The following BBS9 variants were observed in gnomAD, a reference collection of about 807,000 sequenced individuals.
The protein encoded by BBS9 is protein PTHB1.
A neutral mutation model predicts 117.7 loss-of-function variants in BBS9; 89 were observed. The ratio of observed to expected loss-of-function variants is 0.76; its 90% CI spans 0.64 to 0.90. The LOEUF (loss-of-function observed/expected upper bound fraction) is 0.90. Ranked by LOEUF, BBS9 falls within the 40% of genes least tolerant of loss-of-function variation. The probability of loss-of-function intolerance (pLI) is 0.00; values close to 1 mark genes in which losing one functional copy is unlikely to be tolerated. For missense variants in BBS9, 982 were observed against 1,042.2 expected (o/e 0.94, Z 0.80); for synonymous variants, 379 against 370.9 (o/e 1.02, Z -0.25).
At chr7:33,325,232 A>G (rs1436760611) in intron 9 of BBS9, among the ~76,000 whole-genome samples, 1 of 152,122 alleles carries the variant, frequency 6.6e-6, no homozygotes, top group Non-Finnish European at 1.5e-5. Flanking sequence ...AAGCTTACTA[A>G]TTCTTCTACT....
rs978164413 is a variant in BBS9 at position 33,272,875 on chromosome 7, A to T, written c.703-137A>T. 1.2e-5 allele frequency: 11 copies of T among 880,448 alleles called. No homozygotes were observed. The African/African-American group carries it at 1.9e-4, about 15-fold the overall frequency. The allele number at this position is 880,448 out of a possible 1,614,324, so 54.5% of individuals were successfully genotyped here. ...AATGGTCATAGTGATAAAAAAAAGA[A>T]TAAAGAAATGAAAGAGATTAGCCCA... On this transcript the variant is annotated intron_variant, in intron 7 of 22. Transcript: ENST00000242067.
At chr7:33,249,321 CTG>C (rs1261104298) in intron 5 of BBS9, among the ~76,000 whole-genome samples, 1 of 151,938 alleles carries the variant, frequency 6.6e-6, no homozygotes, top group Non-Finnish European at 1.5e-5. Context: ...ATAGAGAAGA[CTG>C]TTAAATTTAG....
At chr7:33,434,438 G>C (rs6975464) in intron 19 of BBS9, among the ~76,000 whole-genome samples, 12,915 of 152,110 alleles carry the variant, frequency 0.085, 574 homozygotes, top group South Asian at 0.14. Context: ...TAGCCTTCTA[G>C]TGCTAAAAGC....
chr7:33,183,968 A>G (rs1039530299), intron 5 of BBS9, among the ~76,000 whole-genome samples: 1 of 152,194 alleles, frequency 6.6e-6, no homozygotes, highest in Non-Finnish European at 1.5e-5. Context: ...AATATAGTAA[A>G]AAACATTTAT....
intron 1 of BBS9, among the ~76,000 whole-genome samples, chr7:33,143,272 T>C (rs908318798): frequency 3.3e-5 from 5 of 152,242 alleles, no homozygotes; most frequent in Admixed American, 2.6e-4. Flanking sequence ...CCCGGCCCTA[T>C]GTTTAATTTT....
intron 9 of BBS9, among the ~76,000 whole-genome samples, chr7:33,322,793 T>C (rs1812015404): frequency 6.6e-6 from 1 of 152,114 alleles, no homozygotes; most frequent in Non-Finnish European, 1.5e-5. Flanking sequence ...TTGATTTGCT[T>C]TTGCTTTTCA....
At chr7:33,556,363 T>G (rs1261140271) in intron 21 of BBS9, among the ~76,000 whole-genome samples, 1 of 152,114 alleles carries the variant, frequency 6.6e-6, no homozygotes, top group Non-Finnish European at 1.5e-5. Flanking sequence ...CCCTTGAGAG[T>G]TTTCCCAGTC....
intron 21 of BBS9, among the ~76,000 whole-genome samples, chr7:33,611,476 A>G (rs917997437): frequency 2.3e-4 from 33 of 142,420 alleles, no homozygotes; most frequent in Non-Finnish European, 3.6e-4. Context: ...AATATAATAT[A>G]TTATAATAAT....
intron 21 of BBS9, among the ~76,000 whole-genome samples, chr7:33,553,480 C>G (rs1489018919): frequency 1.3e-5 from 2 of 152,164 alleles, no homozygotes; most frequent in African/African-American, 4.8e-5. Flanking sequence ...CCTCCCATTT[C>G]TAATCTTTGT....
At chr7:33,294,247 A>C (rs1450603317) in intron 9 of BBS9, among the ~76,000 whole-genome samples, 1 of 152,074 alleles carries the variant, frequency 6.6e-6, no homozygotes, top group Non-Finnish European at 1.5e-5. Flanking sequence ...CCCATATGCC[A>C]AACACACACA....
At chr7:33,314,184 AT>A (rs1809943889) in intron 9 of BBS9, 2 of 364,456 alleles carry the variant, frequency 5.5e-6, no homozygotes, top group African/African-American at 4.3e-5. Flanking sequence ...GCCTAGAATC[AT>A]GTCTTCTTTT....
rs544353444 is a variant in BBS9 at position 33,410,104 on chromosome 7, C to T, written c.2115+21960C>T. Among the ~76,000 whole-genome samples, 3 of 152,236 alleles carry T rather than the reference C, an allele frequency of 2.0e-5. No homozygotes were observed. The South Asian group carries it at 6.2e-4, about 32-fold the overall frequency. On this transcript the variant is annotated intron_variant, in intron 19 of 22. Coordinates refer to ENST00000242067, the MANE Select transcript of BBS9 (RefSeq NM_198428.3). ...CCTGGTGAGCCTGGACAACTGGGGC[C>T]ATTTCTTTGCTTGCCCACCAGTGCA...
At chr7:33,184,097 C>CAGAGAGAGAG (rs35333434) in intron 5 of BBS9, among the ~76,000 whole-genome samples, 26 of 149,566 alleles carry the variant, frequency 1.7e-4, no homozygotes, top group East Asian at 8.0e-4. Flanking sequence ...AGTTTGCACA[C>CAGAGAGAGAG]AGAGAGAGAG....
intron 19 of BBS9, among the ~76,000 whole-genome samples, chr7:33,466,774 A>G (rs1427417053): frequency 6.6e-6 from 1 of 152,164 alleles, no homozygotes; most frequent in African/African-American, 2.4e-5. Context: ...GACAATGCCA[A>G]GTGTTGATAA....
At chr7:33,241,464 C>A (rs1278383391) in intron 5 of BBS9, among the ~76,000 whole-genome samples, 1 of 152,118 alleles carries the variant, frequency 6.6e-6, no homozygotes, top group Non-Finnish European at 1.5e-5. Context: ...TGGTGACTTT[C>A]AACAGTTCTG....
intron 21 of BBS9, among the ~76,000 whole-genome samples, chr7:33,624,933 A>G (rs1000910745): frequency 3.8e-4 from 58 of 152,262 alleles, no homozygotes; most frequent in African/African-American, 1.3e-3. Context: ...ATAAACAGTA[A>G]TCACCCTGGG....
At position 33,188,080 on chromosome 7, in the gene BBS9, A is replaced by ATGTGTGTG. The variant is rs145485929; in HGVS notation, c.442+10514_442+10521dup. On this transcript the variant is annotated intron_variant, in intron 5 of 22. Transcript: ENST00000242067. ...AGAGCAGCTCCCTGTAGTTGAGTGA[A>ATGTGTGTG]TGTGTGTGTGTGTGTGTGTGTGTGT... Among the ~76,000 whole-genome samples, 602 of 73,064 alleles carry ATGTGTGTG rather than the reference A, an allele frequency of 8.2e-3. 14 individuals carry two copies. Among genetic ancestry groups the ATGTGTGTG allele is most frequent in the African/African-American group, 0.031 (512 of 16,638 alleles). The allele number at this position is 73,064 out of a possible 152,430, so 47.9% of individuals were successfully genotyped here.
intron 19 of BBS9, among the ~76,000 whole-genome samples, chr7:33,431,047 TAGAC>T (rs796701971): frequency 2.0e-5 from 3 of 151,282 alleles, no homozygotes; most frequent in African/African-American, 2.4e-5. Context: ...AAAAAAAACT[TAGAC>T]AGGCATGGTG....
At chr7:33,262,752 G>T (rs1297874930) in intron 6 of BBS9, among the ~76,000 whole-genome samples, 1 of 152,100 alleles carries the variant, frequency 6.6e-6, no homozygotes, top group Non-Finnish European at 1.5e-5. Flanking sequence ...ACTGCTGCAT[G>T]CCTTTGCATT....
Sources: allele counts gnomAD v4.1 joint callset (sites outside exome capture counted in the v4.1 genomes callset), GRCh38; gene constraint gnomAD v4.1.1; transcripts MANE v1.5; gene names NCBI Gene and HGNC (gene_info 2026-07-23, HGNC 2026-07-21).